The following CNTNAP5 variants were observed in gnomAD, a reference collection of about 807,000 sequenced individuals.
CNTNAP5 encodes the protein contactin associated protein family member 5.
In CNTNAP5, 72 loss-of-function variants were observed where a neutral mutation model predicts 150.2. The ratio of observed to expected loss-of-function variants is 0.48; its 90% CI spans 0.40 to 0.58. The LOEUF (loss-of-function observed/expected upper bound fraction) is 0.58, where lower values mean the gene tolerates loss of function less well. Among genes scored for constraint, CNTNAP5 ranks in the 20% least tolerant of loss-of-function variants. The pLI is 0.00. For missense variants in CNTNAP5, 1,636 were observed against 1,626.2 expected (o/e 1.01, Z -0.10); for synonymous variants, 672 against 619.8 (o/e 1.08, Z -1.25).
In CNTNAP5 at chr2:124,920,689, C is replaced by T. The variant is rs1267166774; in HGVS notation, c.*6401C>T. 6.6e-6 allele frequency among the ~76,000 whole-genome samples: 1 copy of T among 152,098 alleles called. No individual in the cohort carries two copies. Among genetic ancestry groups the T allele is most frequent in the Non-Finnish European group, 1.5e-5 (1 of 67,992 alleles). ...AAAGGCAGCCATGTATAAATGAATACCCATGGCCATGTTCCAATATAACTT... is the reference window on the plus strand; with the variant it reads ...AAAGGCAGCCATGTATAAATGAATATCCATGGCCATGTTCCAATATAACTT... On this transcript the variant is annotated 3_prime_UTR_variant, in exon 24 of 24. Transcript: ENST00000682447.
rs72978459 is a variant in CNTNAP5 at position 124,094,631 on chromosome 2, A to G, written c.82+68899A>G. Among the ~76,000 whole-genome samples, 898 of 152,380 alleles carry G rather than the reference A, an allele frequency of 5.9e-3. 10 individuals are homozygous for G. The highest frequency in any genetic ancestry group is 0.021 in the African/African-American group (859 of 41,590). ...TTTGTTTGTTTTAATCAATATATAC[A>G]TAATAAAAACACTGCTGTATAGAGG... On this transcript the variant is annotated intron_variant, in intron 1 of 23. Coordinates refer to ENST00000682447, the MANE Select transcript of CNTNAP5 (RefSeq NM_001367498.1).
chr2:124,786,394 AGAAAGAAGGAAGGAAGGAAG>A (rs1223513393), intron 17 of CNTNAP5, among the ~76,000 whole-genome samples: 55 of 62,062 alleles, frequency 8.9e-4, no homozygotes, highest in Admixed American at 4.8e-3. Context: ...AAAGAAAGAA[AGAAAGAAGGAAGGAAGGAAG>A]GAAGGAAGGA....
At chr2:124,113,019 G>A (rs1487017142) in intron 1 of CNTNAP5, among the ~76,000 whole-genome samples, 2 of 152,150 alleles carry the variant, frequency 1.3e-5, no homozygotes, top group African/African-American at 4.8e-5. Context: ...AATTTCAAGA[G>A]TTAGCAGAGA....
At chr2:124,297,169 A>G (rs1428859527) in intron 3 of CNTNAP5, among the ~76,000 whole-genome samples, 1 of 152,254 alleles carries the variant, frequency 6.6e-6, no homozygotes, top group Non-Finnish European at 1.5e-5. Context: ...TTTAAGCACC[A>G]AATATTAAAA....
chr2:124,209,475 T>C (rs771374135), intron 1 of CNTNAP5, among the ~76,000 whole-genome samples: 1 of 152,192 alleles, frequency 6.6e-6, no homozygotes, highest in Admixed American at 6.5e-5. Context: ...TCTCTTTAAG[T>C]GCTCACAATC....
At chr2:124,384,577 A>C (rs1690882939) in intron 3 of CNTNAP5, among the ~76,000 whole-genome samples, 1 of 152,198 alleles carries the variant, frequency 6.6e-6, no homozygotes, top group South Asian at 2.1e-4. Flanking sequence ...CATTTTAAAG[A>C]TAAGGAAACT....
intron 10 of CNTNAP5, among the ~76,000 whole-genome samples, chr2:124,555,642 G>A (rs1165405150): frequency 2.0e-5 from 3 of 152,208 alleles, no homozygotes; most frequent in Non-Finnish European, 2.9e-5. Context: ...TCTACTAAAA[G>A]CAGGCAGAGT....
At chr2:124,160,687 C>T (rs115385251) in intron 1 of CNTNAP5, among the ~76,000 whole-genome samples, 1,533 of 152,134 alleles carry the variant, frequency 0.01, 14 homozygotes, top group Middle Eastern at 0.041. Flanking sequence ...TTTTGAAGCA[C>T]GGTAATTAGG....
intron 11 of CNTNAP5, among the ~76,000 whole-genome samples, chr2:124,585,778 C>A (rs1696518308): frequency 6.9e-6 from 1 of 145,042 alleles, no homozygotes; most frequent in South Asian, 2.3e-4. Flanking sequence ...TCTTTTAGTA[C>A]CCTTCAAAGA....
At chr2:124,263,871 G>A (rs1424111851) in intron 3 of CNTNAP5, among the ~76,000 whole-genome samples, 1 of 152,134 alleles carries the variant, frequency 6.6e-6, no homozygotes, top group African/African-American at 2.4e-5. Flanking sequence ...ACATATGGCA[G>A]CCAGTTTTCC....
At chr2:124,138,696 AATCTATTTAATTTGATTATTGAC>A (rs1252462933) in intron 1 of CNTNAP5, among the ~76,000 whole-genome samples, 1 of 152,110 alleles carries the variant, frequency 6.6e-6, no homozygotes, top group East Asian at 1.9e-4. Flanking sequence ...TTTGAGAGAA[AATCTATTTAATTTGATTATTGAC>A]AGAAAAATAA....
chr2:124,882,885 G>A (rs1479768698), intron 21 of CNTNAP5, among the ~76,000 whole-genome samples: 1 of 151,894 alleles, frequency 6.6e-6, no homozygotes, highest in Non-Finnish European at 1.5e-5. Flanking sequence ...AGGGGAAAAA[G>A]CCCCTTATAA....
At chr2:124,906,391 C>T (rs1282101291) in intron 22 of CNTNAP5, among the ~76,000 whole-genome samples, 1 of 152,036 alleles carries the variant, frequency 6.6e-6, no homozygotes, top group Non-Finnish European at 1.5e-5. Flanking sequence ...TCCCATTTTA[C>T]TATGGTATTG....
In CNTNAP5 at chr2:124,749,736, G is replaced by A. The variant is rs533466481; in HGVS notation, c.2234+2351G>A. 2.0e-5 allele frequency among the ~76,000 whole-genome samples: 3 copies of A among 152,212 alleles called. No individual in the cohort carries two copies. In the South Asian group the frequency reaches 6.2e-4, roughly 32 times the overall value. ...GCAGACTCTGAGTCCTTTCTTAGCTGCCTTCTTGATCTTTGCTCACTGTTT... is the reference window on the plus strand; with the variant it reads ...GCAGACTCTGAGTCCTTTCTTAGCTACCTTCTTGATCTTTGCTCACTGTTT... On this transcript the variant is annotated intron_variant, in intron 14 of 23. Coordinates refer to ENST00000682447, the MANE Select transcript of CNTNAP5 (RefSeq NM_001367498.1).
At chr2:124,714,372 C>A (rs34774988) in intron 13 of CNTNAP5, among the ~76,000 whole-genome samples, 24,752 of 152,094 alleles carry the variant, frequency 0.16, 2,287 homozygotes, top group East Asian at 0.24. Context: ...ATAATTGGCT[C>A]AAAGAGAGAC....
intron 11 of CNTNAP5, among the ~76,000 whole-genome samples, chr2:124,596,033 T>G (rs1375604928): frequency 1.7e-5 from 2 of 116,492 alleles, no homozygotes; most frequent in Non-Finnish European, 1.7e-5. Context: ...CTCTCTTTTT[T>G]TCTTTATTAG....
chr2:124,902,581 A>C (rs558443803), intron 21 of CNTNAP5, among the ~76,000 whole-genome samples: 1 of 152,264 alleles, frequency 6.6e-6, no homozygotes, highest in Admixed American at 6.5e-5. Flanking sequence ...GAACAGATTT[A>C]TTGTCTTTGT....
chr2:124,465,144 A>C (rs902558826), intron 6 of CNTNAP5, among the ~76,000 whole-genome samples: 3 of 151,756 alleles, frequency 2.0e-5, no homozygotes, highest in African/African-American at 7.3e-5. Context: ...ATACCAAACC[A>C]AAAAAAATAA....
chr2:124,114,585 C>T (rs899607759), intron 1 of CNTNAP5, among the ~76,000 whole-genome samples: 4 of 151,490 alleles, frequency 2.6e-5, no homozygotes, highest in African/African-American at 9.7e-5. Flanking sequence ...ATATATTTTC[C>T]TTTCTGGTCC....
Sources: gnomAD v4.1 joint callset for allele counts (sites outside exome capture counted in the v4.1 genomes callset) on GRCh38, gnomAD v4.1.1 for gene constraint, MANE v1.5 for transcripts, NCBI Gene and HGNC (gene_info 2026-07-23, HGNC 2026-07-21) for gene names.